Variants in NCALD observed in about 807,000 individuals in gnomAD.
The protein encoded by NCALD is neurocalcin-delta.
A neutral mutation model predicts 18.6 loss-of-function variants in NCALD; 10 were observed. The observed-to-expected ratio is 0.54, with a 90% CI of 0.33 to 0.91. The LOEUF (loss-of-function observed/expected upper bound fraction) is 0.91. NCALD is among the 40% of genes least tolerant of loss of function. The pLI is 0.03. For missense variants in NCALD, 184 were observed against 247.6 expected, an observed-to-expected ratio of 0.74 and a Z score of 1.72; for synonymous variants, 88 against 87.4, an observed-to-expected ratio of 1.01 and a Z score of -0.04.
chr8:101,709,165 G>A (rs985944240), intron 2 of NCALD, among the ~76,000 whole-genome samples: 2 of 152,204 alleles, frequency 1.3e-5, no homozygotes, highest in Non-Finnish European at 2.9e-5. Context: ...TTAAATACCC[G>A]CTAGAGGATT....
intron 1 of NCALD, among the ~76,000 whole-genome samples, chr8:102,055,251 G>GA (rs753316443): frequency 0.014 from 1,543 of 109,248 alleles, 16 homozygotes; most frequent in East Asian, 0.028. Context: ...TTCATGATAT[G>GA]AAAAAAAAAA....
intron 1 of NCALD, among the ~76,000 whole-genome samples, chr8:102,056,369 T>C (rs1823650233): frequency 6.6e-6 from 1 of 152,232 alleles, no homozygotes; most frequent in Non-Finnish European, 1.5e-5. Flanking sequence ...ACCTGGCTTC[T>C]CTGAGTGCCA....
intron 4 of NCALD, among the ~76,000 whole-genome samples, chr8:101,808,270 C>A (rs1225031348): frequency 2.6e-5 from 4 of 152,110 alleles, no homozygotes; most frequent in Non-Finnish European, 5.9e-5. Flanking sequence ...GTGAGCTCTC[C>A]ATTACAAAAT....
chr8:102,050,792 T>G (rs531256062), intron 1 of NCALD, among the ~76,000 whole-genome samples: 1 of 145,680 alleles, frequency 6.9e-6, no homozygotes, highest in Non-Finnish European at 1.5e-5. Flanking sequence ...AATTAACTAA[T>G]TTTTAATTTA....
chr8:101,862,793 A>C (rs575494382), intron 4 of NCALD, among the ~76,000 whole-genome samples: 40 of 152,352 alleles, frequency 2.6e-4, no homozygotes, highest in South Asian at 1.0e-3. Context: ...GATGAGTGCT[A>C]TGTGACTAAA....
At chr8:101,812,362 T>G (rs1015598707) in intron 4 of NCALD, among the ~76,000 whole-genome samples, 1 of 152,190 alleles carries the variant, frequency 6.6e-6, no homozygotes, top group Non-Finnish European at 1.5e-5. Flanking sequence ...GTTCAGTTAT[T>G]GAGTTTTCCA....
At chr8:102,028,001 G>T (rs546696281) in intron 1 of NCALD, among the ~76,000 whole-genome samples, 4 of 152,122 alleles carry the variant, frequency 2.6e-5, no homozygotes, top group African/African-American at 9.7e-5. Flanking sequence ...TGTAATTCAA[G>T]ATAAGATTTG....
chr8:101,740,557 T>C (rs1277291701), intron 1 of NCALD, among the ~76,000 whole-genome samples: 1 of 152,204 alleles, frequency 6.6e-6, no homozygotes, highest in Non-Finnish European at 1.5e-5. Flanking sequence ...GTGTGTATAT[T>C]TGTGTGCTTA....
intron 2 of NCALD, among the ~76,000 whole-genome samples, chr8:101,957,671 A>T (rs1251646378): frequency 1.3e-5 from 2 of 152,130 alleles, no homozygotes; most frequent in Admixed American, 1.3e-4. Flanking sequence ...ATCAGAAGAG[A>T]TCAGTCAGGA....
intron 1 of NCALD, among the ~76,000 whole-genome samples, chr8:102,072,906 G>A (rs1430149942): frequency 6.6e-6 from 1 of 151,980 alleles, no homozygotes; most frequent in Non-Finnish European, 1.5e-5. Flanking sequence ...CAGACTTTCT[G>A]GAGAACAACT....
At chr8:102,083,662 C>A (rs1824635140) in intron 1 of NCALD, among the ~76,000 whole-genome samples, 1 of 152,238 alleles carries the variant, frequency 6.6e-6, no homozygotes, top group East Asian at 1.9e-4. Context: ...GCACTCTCAA[C>A]TCTTTTTAGC....
intron 2 of NCALD, among the ~76,000 whole-genome samples, chr8:101,939,315 TTGAA>T (rs1818869964): frequency 6.6e-6 from 1 of 152,218 alleles, no homozygotes; most frequent in African/African-American, 2.4e-5. Flanking sequence ...TTCAGATTCA[TTGAA>T]TGAAAAGCAT....
At chr8:102,105,061 G>T (rs771589364) in intron 1 of NCALD, among the ~76,000 whole-genome samples, 4 of 152,190 alleles carry the variant, frequency 2.6e-5, no homozygotes, top group Non-Finnish European at 5.9e-5. Flanking sequence ...GGAACACAGA[G>T]CCAAGAGATA....
At chr8:101,785,136 A>C (rs897957487) in intron 1 of NCALD, among the ~76,000 whole-genome samples, 1 of 152,188 alleles carries the variant, frequency 6.6e-6, no homozygotes, top group African/African-American at 2.4e-5. Flanking sequence ...TCTGTGCCTC[A>C]ATTTCCTCAT....
chr8:102,020,983 C>T (rs1427696925), intron 1 of NCALD, among the ~76,000 whole-genome samples: 1 of 152,204 alleles, frequency 6.6e-6, no homozygotes, highest in Non-Finnish European at 1.5e-5. Context: ...CCTACTTGTC[C>T]TTCCATTCTC....
At chr8:101,747,752 T>C (rs1292276001) in intron 1 of NCALD, among the ~76,000 whole-genome samples, 1 of 151,782 alleles carries the variant, frequency 6.6e-6, no homozygotes, top group Non-Finnish European at 1.5e-5. Context: ...AGTTTCACTC[T>C]TGTTGCCCAG....
Position 102,093,700 on chromosome 8 carries a change from C to T in NCALD, c.-210+30537G>A, listed in dbSNP as rs189853326. ...ATGCAGTAAAAATGGAACAGAAAAC[C>T]ACAAGTTTCCTGGGTCCCCAGTGAC... is the stretch of plus-strand genomic sequence containing the variant. On this transcript the variant is annotated intron_variant, in intron 1 of 6. Transcript: ENST00000311028. Among the ~76,000 whole-genome samples the T allele has an allele frequency of 1.7e-3, 264 of 152,224 alleles. 1 individual carries two copies. The highest frequency in any genetic ancestry group is 2.3e-3 in the Admixed American group (35 of 15,280).
chr8:101,718,231 C>T (rs1275540724), intron 2 of NCALD, among the ~76,000 whole-genome samples: 2 of 152,224 alleles, frequency 1.3e-5, no homozygotes, highest in African/African-American at 4.8e-5. Context: ...GAGGCACCTT[C>T]CTTTTATTTA....
intron 1 of NCALD, among the ~76,000 whole-genome samples, chr8:101,726,163 AG>A (rs1224275583): frequency 6.6e-6 from 1 of 152,186 alleles, no homozygotes; most frequent in Non-Finnish European, 1.5e-5. Context: ...CACCATCATG[AG>A]GGACCAGGTG....
Sources: gnomAD v4.1 joint callset for allele counts (sites outside exome capture counted in the v4.1 genomes callset) on GRCh38, gnomAD v4.1.1 for gene constraint, MANE v1.5 for transcripts, NCBI Gene and HGNC (gene_info 2026-07-23, HGNC 2026-07-21) for gene names.